The following CDC45 variants were observed in gnomAD, a reference collection of about 807,000 sequenced individuals.
The protein encoded by CDC45 is cell division cycle 45.
In CDC45, 54 loss-of-function variants were observed where a neutral mutation model predicts 77.8. The observed-to-expected ratio is 0.69, with a 90% CI of 0.56 to 0.87. The LOEUF is 0.87. Ranked by LOEUF, CDC45 falls within the 40% of genes least tolerant of loss-of-function variation. CDC45 has a pLI of 0.00. For missense variants in CDC45, 649 were observed against 721.6 expected (o/e 0.90, Z 1.15); for synonymous variants, 260 against 272.1 (o/e 0.96, Z 0.44).
intron 10 of CDC45, 55 bp downstream of exon 10, chr22:19,505,536 T>G (rs1358753896): frequency 1.3e-6 from 2 of 1,597,944 alleles, no homozygotes; most frequent in Non-Finnish European, 1.7e-6. Context: ...TCAGCAGGCC[T>G]TGTTTGCTTT....
intron 5 of CDC45, among the ~76,000 whole-genome samples, chr22:19,489,860 A>G (rs993340709): frequency 3.3e-5 from 5 of 151,942 alleles, no homozygotes; most frequent in African/African-American, 1.2e-4. Flanking sequence ...AATACTTTCA[A>G]CTCTTCAGAA....
At chr22:19,507,255 T>C (rs1002754498) in intron 10 of CDC45, 131 bp from the exon 11 acceptor site, 1 of 1,110,370 alleles carries the variant, frequency 9.0e-7, no homozygotes, top group African/African-American at 1.5e-5. Flanking sequence ...CAGGTCACTC[T>C]TGGGATACCT....
At chr22:19,517,736 G>T (rs1300384659) in intron 17 of CDC45, among the ~76,000 whole-genome samples, 1 of 152,094 alleles carries the variant, frequency 6.6e-6, no homozygotes, top group Admixed American at 6.5e-5. Flanking sequence ...TGGTGTCTGT[G>T]TCCAAACCGT....
Position 19,483,888 on chromosome 22 carries a change from T to C in CDC45, c.369T>C (p.Asp123=). 1 of 1,612,496 alleles carries C rather than the reference T, an allele frequency of 6.2e-7. No homozygotes were observed. Among genetic ancestry groups the C allele is most frequent in the Non-Finnish European group, 8.5e-7 (1 of 1,179,568 alleles). Residue 123 remains aspartate, a synonymous_variant, in exon 5 of 19, where the codon GAT becomes GAC. Transcript: ENST00000263201. Reference sequence around the variant, plus strand: ...TCAAATTACTCATTAAACAAGATGATGACCTTGAAGTTCCCGCCTATGAAG... The same window carrying C: ...TCAAATTACTCATTAAACAAGATGACGACCTTGAAGTTCCCGCCTATGAAG... ...TQIKLLIKQD[D]DLEVPAYEDI... is the part of the protein sequence containing the mutation.
chr22:19,490,723 A>AT (rs1309314313), intron 5 of CDC45, among the ~76,000 whole-genome samples: 9 of 151,056 alleles, frequency 6.0e-5, no homozygotes, highest in Non-Finnish European at 1.0e-4. Context: ...CCTTGTATAG[A>AT]TTTTTTAGTG....
intron 13 of CDC45, among the ~76,000 whole-genome samples, chr22:19,510,066 A>G (rs913039587): frequency 6.6e-6 from 1 of 152,160 alleles, no homozygotes; most frequent in Non-Finnish European, 1.5e-5. Context: ...GTCTCAAGCA[A>G]TCTTCCTACC....
rs573739706 is a variant in CDC45 at position 19,515,065 on chromosome 22, G to C, written c.1440+17G>C. 5.1e-5 allele frequency: 81 copies of C among 1,582,892 alleles called. No homozygotes were observed. The East Asian group carries it at 1.8e-3, about 35-fold the overall frequency. On this transcript the variant is annotated intron_variant, in intron 15 of 18. Transcript: ENST00000263201. ...GTGTGTTCGGTGAGGGGCCAGGCGG[G>C]TGCTGTGGGTACAGGAGGGCAGGTG... is the stretch of plus-strand genomic sequence containing the variant.
At chr22:19,510,159 A>G (rs755893404) in intron 13 of CDC45, among the ~76,000 whole-genome samples, 1 of 152,068 alleles carries the variant, frequency 6.6e-6, no homozygotes, top group Non-Finnish European at 1.5e-5. Context: ...ATGTATCACT[A>G]TGTGGCCCAG....
At chr22:19,498,998 A>G (rs927331790) in intron 8 of CDC45, 103 bp from the exon 9 acceptor site, 1 of 1,257,860 alleles carries the variant, frequency 8.0e-7, no homozygotes. Flanking sequence ...GACATTCCCC[A>G]GAGTGCTGAG....
intron 3 of CDC45, 42 bp downstream of exon 3, chr22:19,481,087 A>G (rs1274295358): frequency 1.6e-6 from 2 of 1,277,032 alleles, no homozygotes; most frequent in Non-Finnish European, 2.3e-6. Flanking sequence ...TTTTTACTCA[A>G]TTGTAATTTC....
intron 5 of CDC45, among the ~76,000 whole-genome samples, chr22:19,494,012 T>C (rs1292672734): frequency 6.6e-6 from 1 of 152,198 alleles, no homozygotes; most frequent in Non-Finnish European, 1.5e-5. Context: ...GAGCTTACCT[T>C]GGATCCCATA....
intron 13 of CDC45, among the ~76,000 whole-genome samples, chr22:19,512,758 T>G (rs901585632): frequency 6.6e-6 from 1 of 152,192 alleles, no homozygotes; most frequent in Non-Finnish European, 1.5e-5. Context: ...CCCTACTTTG[T>G]AAGAAAAGGA....
intron 5 of CDC45, among the ~76,000 whole-genome samples, chr22:19,488,036 C>G (rs539027429): frequency 6.6e-6 from 1 of 151,934 alleles, no homozygotes; most frequent in African/African-American, 2.4e-5. Context: ...GATGAGAGTC[C>G]GCTATAAAAA....
intron 6 of CDC45, 39 bp from the exon 7 acceptor site, chr22:19,495,942 C>G: frequency 1.3e-6 from 2 of 1,493,640 alleles, no homozygotes; most frequent in South Asian, 1.1e-5. Context: ...TCCTGTACTG[C>G]TACTTCCTGT....
At chr22:19,479,537 A>G (rs2089936727), upstream of CDC45, 1 of 564,300 alleles carries the variant, frequency 1.8e-6, no homozygotes, top group Non-Finnish European at 3.5e-6. Flanking sequence ...AACCACACCA[A>G]AAACCTATTG....
intron 5 of CDC45, among the ~76,000 whole-genome samples, chr22:19,484,353 A>G (rs1471076984): frequency 6.6e-6 from 1 of 152,130 alleles, no homozygotes; most frequent in Non-Finnish European, 1.5e-5. Flanking sequence ...ATCACTTACT[A>G]TGCAGTCACT....
intron 9 of CDC45, among the ~76,000 whole-genome samples, chr22:19,500,633 G>A (rs2146388696): frequency 6.6e-6 from 1 of 152,250 alleles, no homozygotes; most frequent in South Asian, 2.1e-4. Context: ...TAAACCAAGA[G>A]TGCAGTTTGT....
chr22:19,515,330 C>T (rs1435885791), intron 15 of CDC45, among the ~76,000 whole-genome samples: 3 of 152,166 alleles, frequency 2.0e-5, no homozygotes, highest in African/African-American at 7.2e-5. Flanking sequence ...CCTATTGTTG[C>T]AGGTCAGGGA....
At position 19,519,515 on chromosome 22, in the gene CDC45, C is replaced by T. The variant is rs535295486; in HGVS notation, c.*1+606C>T. Among the ~76,000 whole-genome samples the T allele has an allele frequency of 2.6e-5, 4 of 152,332 alleles. No homozygotes were observed. The East Asian group carries it at 7.7e-4, about 29-fold the overall frequency. The stretch of plus-strand genomic sequence containing the variant: ...TTCTTAAGGGTTCCCAGGAAATAGG[C>T]CTGCCTTGTGTCTTTGTAACCATCT... On this transcript the variant is annotated intron_variant, in intron 18 of 18. Transcript: ENST00000263201.
Sources: allele counts gnomAD v4.1 joint callset (sites outside exome capture counted in the v4.1 genomes callset), GRCh38; gene constraint gnomAD v4.1.1; transcripts MANE v1.5; gene names NCBI Gene and HGNC (gene_info 2026-07-23, HGNC 2026-07-21).